GRK5: variants seen among roughly 807,000 people sequenced by gnomAD.
GRK5 encodes the protein g protein-coupled receptor kinase GRK5.
GRK5 carries 40 observed loss-of-function variants against 78.4 expected under a neutral mutation model. That is an observed-to-expected ratio of 0.51 (90% CI 0.40 to 0.66). The LOEUF is 0.66. GRK5 is among the 30% of genes least tolerant of loss of function. GRK5 has a pLI of 0.00. For missense variants in GRK5, 598 were observed against 759.9 expected (o/e 0.79, Z 2.50); for synonymous variants, 289 against 296.8 (o/e 0.97, Z 0.27).
Position 119,333,356 on chromosome 10 carries a change from T to G in GRK5, c.148+6745T>G, listed in dbSNP as rs1850816221. On this transcript the variant is annotated intron_variant, in intron 2 of 15. Coordinates refer to ENST00000392870, the MANE Select transcript of GRK5 (RefSeq NM_005308.3). ...GACTCAGCCACAGTCTCACAGCCAC[T>G]AAGTGGGGAGGGGAAGCTGGTGGCT... The G allele has an allele frequency of 2.7e-5, 5 of 185,990 alleles. No homozygotes were observed. The Admixed American group carries it at 2.8e-4, about 10-fold the overall frequency. The allele number at this position is 185,990 out of a possible 1,614,324, so 11.5% of individuals were successfully genotyped here.
At chr10:119,266,827 T>A (rs977790593) in intron 1 of GRK5, among the ~76,000 whole-genome samples, 11 of 149,922 alleles carry the variant, frequency 7.3e-5, no homozygotes, top group African/African-American at 2.5e-4. Context: ...CAGGCTGGAG[T>A]GCAGTGCTGT....
chr10:119,313,822 G>A (rs1260846980), intron 1 of GRK5, among the ~76,000 whole-genome samples: 1 of 152,166 alleles, frequency 6.6e-6, no homozygotes, highest in Non-Finnish European at 1.5e-5. Context: ...TACCCAGCCT[G>A]GTGTTGGTTT....
intron 2 of GRK5, among the ~76,000 whole-genome samples, chr10:119,362,454 G>GTGTT (rs1024524124): frequency 1.3e-5 from 2 of 152,254 alleles, no homozygotes; most frequent in Admixed American, 1.3e-4. Context: ...TGGAACCAGG[G>GTGTT]TGTTTGTTTT....
At chr10:119,317,858 C>G (rs544532605) in intron 1 of GRK5, among the ~76,000 whole-genome samples, 1 of 152,156 alleles carries the variant, frequency 6.6e-6, no homozygotes, top group Non-Finnish European at 1.5e-5. Context: ...TTCCTTTTCT[C>G]ACTGATTTCC....
intron 1 of GRK5, among the ~76,000 whole-genome samples, chr10:119,316,391 C>T (rs1850486839): frequency 1.3e-5 from 2 of 152,196 alleles, no homozygotes; most frequent in South Asian, 4.1e-4. Flanking sequence ...ATAGCAGCCT[C>T]AACAGCTGCA....
chr10:119,299,021 C>A (rs943869036), intron 1 of GRK5, among the ~76,000 whole-genome samples: 1 of 152,234 alleles, frequency 6.6e-6, no homozygotes, highest in African/African-American at 2.4e-5. Flanking sequence ...TCCCACCACC[C>A]TGGGAGACGG....
At chr10:119,360,189 T>C (rs1453656564) in intron 2 of GRK5, among the ~76,000 whole-genome samples, 1 of 152,082 alleles carries the variant, frequency 6.6e-6, no homozygotes, top group African/African-American at 2.4e-5. Flanking sequence ...TGAAGGAGGC[T>C]GAAGGACTCT....
chr10:119,299,847 T>C (rs1850145585), intron 1 of GRK5, among the ~76,000 whole-genome samples: 1 of 151,926 alleles, frequency 6.6e-6, no homozygotes. Flanking sequence ...AGTTCTAGGG[T>C]ACATGTGCAC....
At chr10:119,370,798 C>G (rs1029662151) in intron 2 of GRK5, among the ~76,000 whole-genome samples, 1 of 152,218 alleles carries the variant, frequency 6.6e-6, no homozygotes, top group Non-Finnish European at 1.5e-5. Flanking sequence ...CTGATCCTCT[C>G]TCCCCATGTC....
intron 2 of GRK5, among the ~76,000 whole-genome samples, chr10:119,327,547 G>A (rs577449036): frequency 6.6e-6 from 1 of 152,316 alleles, no homozygotes; most frequent in South Asian, 2.1e-4. Flanking sequence ...AGCTTTTCTG[G>A]GGACTTCTGC....
chr10:119,308,415 A>G (rs1850305917), intron 1 of GRK5, among the ~76,000 whole-genome samples: 1 of 152,200 alleles, frequency 6.6e-6, no homozygotes, highest in African/African-American at 2.4e-5. Context: ...CTGCTTCGGT[A>G]CAGTCATCTG....
chr10:119,369,271 C>T (rs1252443040), intron 2 of GRK5, among the ~76,000 whole-genome samples: 3 of 152,152 alleles, frequency 2.0e-5, no homozygotes, highest in Admixed American at 6.5e-5. Flanking sequence ...AAAGAATGTC[C>T]TTCTAAGTGG....
intron 1 of GRK5, among the ~76,000 whole-genome samples, chr10:119,260,859 C>T (rs1294955258): frequency 2.0e-5 from 3 of 152,092 alleles, no homozygotes; most frequent in Admixed American, 2.0e-4. Context: ...CCCACCTTTC[C>T]CCGCTTTCTA....
intron 5 of GRK5, among the ~76,000 whole-genome samples, chr10:119,423,619 C>T (rs1222780159): frequency 6.6e-6 from 1 of 152,206 alleles, no homozygotes; most frequent in Non-Finnish European, 1.5e-5. Flanking sequence ...GCAGGGGGAG[C>T]TTCTCAGCCA....
chr10:119,437,359 GT>G (rs1852943722), intron 9 of GRK5, among the ~76,000 whole-genome samples: 1 of 152,140 alleles, frequency 6.6e-6, no homozygotes, highest in African/African-American at 2.4e-5. Flanking sequence ...CCTGGACATT[GT>G]AGGGCCAGGG....
chr10:119,380,598 G>A (rs1466602757), intron 2 of GRK5, among the ~76,000 whole-genome samples: 1 of 152,232 alleles, frequency 6.6e-6, no homozygotes, highest in Non-Finnish European at 1.5e-5. Context: ...CTGGGGGTGT[G>A]GGGTGGGGAG....
intron 1 of GRK5, among the ~76,000 whole-genome samples, chr10:119,325,886 C>T (rs916211796): frequency 2.0e-5 from 3 of 152,238 alleles, no homozygotes; most frequent in African/African-American, 7.2e-5. Flanking sequence ...GCATGTTCAT[C>T]ATGTCCACGT....
chr10:119,417,331 G>A (rs1203854714), intron 4 of GRK5, among the ~76,000 whole-genome samples: 2 of 152,218 alleles, frequency 1.3e-5, no homozygotes, highest in Non-Finnish European at 2.9e-5. Flanking sequence ...GCCTGCCTCA[G>A]TGTCTGAAAT....
chr10:119,249,712 G>A (rs1183571290), intron 1 of GRK5, among the ~76,000 whole-genome samples: 1 of 152,116 alleles, frequency 6.6e-6, no homozygotes, highest in African/African-American at 2.4e-5. Flanking sequence ...TGTTGGCCAG[G>A]CTGGTCTTGA....
Sources: allele counts gnomAD v4.1 joint callset (sites outside exome capture counted in the v4.1 genomes callset), GRCh38; gene constraint gnomAD v4.1.1; transcripts MANE v1.5; gene names NCBI Gene and HGNC (gene_info 2026-07-23, HGNC 2026-07-21).